Variants in CDKN2B-AS1 observed in about 807,000 individuals in gnomAD.
The protein encoded by CDKN2B-AS1 is CDKN2B and CDKN2A antisense cis and trans regulatory RNA 1, also known as CDKN2B antisense RNA 1 (non-protein coding).
At chr9:22,041,120 T>A (rs1822879117) in intron 1 of CDKN2B-AS1, among the ~76,000 whole-genome samples, 1 of 151,902 alleles carries the variant, frequency 6.6e-6, no homozygotes, top group Non-Finnish European at 1.5e-5. Context: ...GTACCAGAAA[T>A]GTTGATGGTG....
At chr9:22,071,326 G>T (rs1193537503) in intron 4 of CDKN2B-AS1, among the ~76,000 whole-genome samples, 1 of 112,108 alleles carries the variant, frequency 8.9e-6, no homozygotes. Flanking sequence ...TAGACACGGA[G>T]TCTTGCTCTG....
chr9:22,006,072 G>T lies in CDKN2B-AS1; in HGVS notation n.29+10911G>T. The stretch of plus-strand genomic sequence containing the variant: ...CAAGTCCACGGGCAGACGACCCCAG[G>T]CATCGCGCACGTCCAGCCGCGCCCC... On this transcript the variant is annotated intron_variant and non_coding_transcript_variant, in intron 1 of 4. Transcript: ENST00000650946. This position sits in a 1 kb window ranked among gnomAD's most constrained non-coding sequence, Gnocchi z 6.4. 1 of 1,606,676 alleles carries T rather than the reference G, an allele frequency of 6.2e-7. No individual in the cohort carries two copies. The highest frequency in any genetic ancestry group is 8.5e-7 in the Non-Finnish European group (1 of 1,179,660).
chr9:22,057,678 G>C (rs968266603), intron 4 of CDKN2B-AS1, among the ~76,000 whole-genome samples: 2 of 152,008 alleles, frequency 1.3e-5, no homozygotes, highest in Admixed American at 1.3e-4. Flanking sequence ...TGTGGTGGTG[G>C]GCACCTGGAG....
intron 1 of CDKN2B-AS1, chr9:22,032,874 T>G (rs896879292): frequency 5.9e-5 from 9 of 151,570 alleles, no homozygotes; most frequent in Admixed American, 1.3e-4. Flanking sequence ...GTGTAGTGAA[T>G]AGAAAAGACA....
At chr9:22,023,602 G>T (rs1822101854) in intron 1 of CDKN2B-AS1, among the ~76,000 whole-genome samples, 1 of 152,076 alleles carries the variant, frequency 6.6e-6, no homozygotes, top group Admixed American at 6.6e-5. Context: ...TCATAGCTGG[G>T]CATGGGGGAA....
intron 4 of CDKN2B-AS1, among the ~76,000 whole-genome samples, chr9:22,097,081 A>G (rs1825306561): frequency 6.6e-6 from 1 of 152,106 alleles, no homozygotes; most frequent in African/African-American, 2.4e-5. Context: ...GCCATCAGGG[A>G]GTTTCTTTTG....
At chr9:22,080,260 C>T (rs1824649298) in intron 4 of CDKN2B-AS1, among the ~76,000 whole-genome samples, 1 of 152,214 alleles carries the variant, frequency 6.6e-6, no homozygotes, top group South Asian at 2.1e-4. Context: ...CCCTCCCTGG[C>T]TCCCTGGAGT....
chr9:22,080,415 C>T (rs1320574858), intron 4 of CDKN2B-AS1, among the ~76,000 whole-genome samples: 1 of 152,236 alleles, frequency 6.6e-6, no homozygotes, highest in African/African-American at 2.4e-5. Flanking sequence ...TCTGAGCTAT[C>T]ATTGGCTGAT....
At chr9:22,049,629 T>G (rs1823257735) in intron 3 of CDKN2B-AS1, among the ~76,000 whole-genome samples, 1 of 152,154 alleles carries the variant, frequency 6.6e-6, no homozygotes, top group African/African-American at 2.4e-5. Context: ...GTAGGGCAGA[T>G]GAGAAAAATG....
intron 4 of CDKN2B-AS1, among the ~76,000 whole-genome samples, chr9:22,061,187 A>T (rs1289214653): frequency 6.6e-6 from 1 of 152,198 alleles, no homozygotes; most frequent in African/African-American, 2.4e-5. Context: ...GGCAAACAGC[A>T]ACCATGACCA....
At chr9:22,077,523 T>C (rs1824541988) in intron 4 of CDKN2B-AS1, among the ~76,000 whole-genome samples, 1 of 152,212 alleles carries the variant, frequency 6.6e-6, no homozygotes, top group East Asian at 1.9e-4. Flanking sequence ...ACAATTAGGG[T>C]AAATGAAAAT....
At chr9:22,042,171 G>C (rs111828475) in intron 1 of CDKN2B-AS1, among the ~76,000 whole-genome samples, 2 of 152,018 alleles carry the variant, frequency 1.3e-5, no homozygotes, top group African/African-American at 4.8e-5. Context: ...TTGGGCTTCA[G>C]AAGTTCTCTT....
intron 4 of CDKN2B-AS1, among the ~76,000 whole-genome samples, chr9:22,080,219 C>T (rs533470102): frequency 3.9e-4 from 59 of 152,336 alleles, no homozygotes; most frequent in African/African-American, 1.4e-3. Context: ...TTTCCCCAAG[C>T]TGTTTGGTAA....
chr9:22,121,861 T>C (rs1161430204), intron 4 of CDKN2B-AS1, among the ~76,000 whole-genome samples: 1 of 152,160 alleles, frequency 6.6e-6, no homozygotes, highest in Admixed American at 6.5e-5. Flanking sequence ...AAACATGGTC[T>C]GTAGATGTCT....
At chr9:22,019,326 G>C (rs570937225) in intron 1 of CDKN2B-AS1, among the ~76,000 whole-genome samples, 1 of 152,310 alleles carries the variant, frequency 6.6e-6, no homozygotes, top group Non-Finnish European at 1.5e-5. Flanking sequence ...GGCAAGAGTG[G>C]ATTCTGTGGG....
At chr9:22,127,614 C>T (rs10757281) in exon 5 of CDKN2B-AS1, among the ~76,000 whole-genome samples, 33,600 of 151,990 alleles carry the variant, frequency 0.22, 5,135 homozygotes, top group African/African-American at 0.43. Flanking sequence ...ATGAGTGTTG[C>T]ACCTGTGTCC....
At position 22,114,231 on chromosome 9, in the gene CDKN2B-AS1, T is replaced by A. The variant is rs116710596; in HGVS notation, n.439-12872T>A. Reference sequence around the variant, plus strand: ...TCAGAAAGTTCCCTCTTATACCTGGTCAAACTTCTCTTACAATCACCTGTG... The same window carrying A: ...TCAGAAAGTTCCCTCTTATACCTGGACAAACTTCTCTTACAATCACCTGTG... On this transcript the variant is annotated intron_variant and non_coding_transcript_variant, in intron 4 of 4. Transcript: ENST00000650946. Among the ~76,000 whole-genome samples, 192 of 152,344 alleles carry A rather than the reference T, an allele frequency of 1.3e-3. 1 individual carries two copies. The highest frequency in any genetic ancestry group is 4.5e-3 in the African/African-American group (188 of 41,586).
At chr9:22,091,587 G>A (rs371203169) in intron 4 of CDKN2B-AS1, among the ~76,000 whole-genome samples, 1 of 152,068 alleles carries the variant, frequency 6.6e-6, no homozygotes, top group African/African-American at 2.4e-5. Context: ...CTCTTTGAAG[G>A]AATTGTGAAT....
At chr9:22,066,570 A>G (rs1471488863) in intron 4 of CDKN2B-AS1, among the ~76,000 whole-genome samples, 1 of 151,964 alleles carries the variant, frequency 6.6e-6, no homozygotes, top group Non-Finnish European at 1.5e-5. Context: ...CTAAGACCCA[A>G]TGGTAACTCT....
Sources: gnomAD v4.1 joint callset for allele counts (sites outside exome capture counted in the v4.1 genomes callset) on GRCh38, gnomAD v4.1.1 for gene constraint, Gnocchi (gnomAD v3.1) non-coding constraint, MANE v1.5 for transcripts, NCBI Gene and HGNC (gene_info 2026-07-23, HGNC 2026-07-21) for gene names.